The following STAB2 variants were observed in gnomAD, a reference collection of about 807,000 sequenced individuals.
STAB2 encodes stabilin 2.
In STAB2, 288 loss-of-function variants were observed where a neutral mutation model predicts 338.1. That is an observed-to-expected ratio of 0.85 (90% CI 0.77 to 0.94). STAB2 has a LOEUF of 0.94. Ranked by LOEUF, STAB2 falls within the 40% of genes least tolerant of loss-of-function variation. The pLI, the probability that STAB2 is intolerant of heterozygous loss-of-function variation, is 0.00. For synonymous variants in STAB2, 1,202 were observed against 1,193.3 expected, an observed-to-expected ratio of 1.01 and a Z score of -0.15; for missense variants, 3,141 against 3,210.1, an observed-to-expected ratio of 0.98 and a Z score of 0.52.
intron 34 of STAB2, among the ~76,000 whole-genome samples, chr12:103,699,500 G>A (rs1037148586): frequency 2.5e-4 from 38 of 152,204 alleles, no homozygotes; most frequent in African/African-American, 9.2e-4. Context: ...GACAGCTCGT[G>A]CAGGAAACTC....
intron 14 of STAB2, 47 bp downstream of exon 14, chr12:103,655,354 T>C (rs777537383): frequency 1.9e-6 from 3 of 1,605,234 alleles, no homozygotes; most frequent in Admixed American, 3.4e-5. Flanking sequence ...GTCAAGACTT[T>C]TGTAAAATTA....
chr12:103,765,425 C>CTAT (rs1884868581), intron 68 of STAB2, among the ~76,000 whole-genome samples: 1 of 152,232 alleles, frequency 6.6e-6, no homozygotes, highest in Non-Finnish European at 1.5e-5. Context: ...GCCTTTGACA[C>CTAT]TATTTTTAGT....
rs889743037 is a variant in STAB2 at position 103,717,835 on chromosome 12, C to T, written c.4677C>T (p.Cys1559=). Residue 1559 remains cysteine, a synonymous_variant, in exon 44 of 69, where the codon TGC becomes TGT. Transcript: ENST00000388887. ...DGKVCTLINV[C]LTKNGGCSEF... ...AGGTCTGCACACTCATCAATGTCTG[C>T]TTAACTGTGAGTATGGCTCTAGGGT... 5.0e-6 allele frequency: 8 copies of T among 1,614,108 alleles called. No homozygotes were observed. The highest frequency in any genetic ancestry group is 2.7e-5 in the African/African-American group (2 of 75,020).
intron 58 of STAB2, 83 bp downstream of exon 58, chr12:103,746,787 C>A: frequency 7.3e-7 from 1 of 1,378,024 alleles, no homozygotes; most frequent in Non-Finnish European, 1.0e-6. Context: ...GGGCTTCATC[C>A]TAGCCCTCCT....
chr12:103,598,086 A>G (rs1407517706), intron 3 of STAB2, among the ~76,000 whole-genome samples: 2 of 152,176 alleles, frequency 1.3e-5, no homozygotes, highest in African/African-American at 2.4e-5. Flanking sequence ...CCTTTTAGGC[A>G]TTTCCTTTTT....
intron 3 of STAB2, among the ~76,000 whole-genome samples, chr12:103,615,935 T>C (rs10861057): frequency 0.04 from 6,119 of 152,266 alleles, 180 homozygotes; most frequent in East Asian, 0.12. Flanking sequence ...ATGGGGATTA[T>C]AATTCAAGAT....
chr12:103,647,429 G>A (rs1457992844), intron 9 of STAB2, among the ~76,000 whole-genome samples: 1 of 152,146 alleles, frequency 6.6e-6, no homozygotes, highest in Non-Finnish European at 1.5e-5. Context: ...TGTAGTCACA[G>A]CACATCTTTT....
rs1565954676 is a variant in STAB2, at chr12:103,603,839, G to A, written c.331+9329G>A. Among the ~76,000 whole-genome samples, 3 of 152,250 alleles carry A rather than the reference G, an allele frequency of 2.0e-5. No homozygotes were observed. The East Asian group carries it at 5.8e-4, about 29-fold the overall frequency. ...ACATCTAAAAATATTGCTTCCTCCT[G>A]TGCATAACGACCCCGTAGCTCTCCA... On this transcript the variant is annotated intron_variant, in intron 3 of 68. Transcript: ENST00000388887.
chr12:103,660,580 T>G (rs927624636), intron 16 of STAB2, 103 bp from the exon 17 acceptor site: 19 of 1,384,884 alleles, frequency 1.4e-5, no homozygotes, highest in Non-Finnish European at 1.9e-5. Context: ...CTCCCTTTAC[T>G]TATTTCACTT....
chr12:103,736,161 T>C (rs1029926439), intron 52 of STAB2, among the ~76,000 whole-genome samples: 1 of 152,234 alleles, frequency 6.6e-6, no homozygotes, highest in African/African-American at 2.4e-5. Context: ...TAAGGATTTA[T>C]TCTCTTTCAT....
In STAB2 at chr12:103,715,895, G is replaced by C; in HGVS notation, c.4611+7G>C. ...ACAGACAGGACCCAACCAGGTGAGT[G>C]CCACCTCTCCCAGGCCCTTAGGTTT... On this transcript the variant is annotated splice_region_variant and intron_variant, in intron 43 of 68. Coordinates refer to ENST00000388887, the MANE Select transcript of STAB2 (RefSeq NM_017564.10). The C allele has an allele frequency of 1.9e-6, 3 of 1,613,870 alleles. No homozygotes were observed. Among genetic ancestry groups the C allele is most frequent in the Non-Finnish European group, 2.5e-6 (3 of 1,179,842 alleles).
intron 6 of STAB2, among the ~76,000 whole-genome samples, chr12:103,633,587 C>T (rs551413257): frequency 1.3e-5 from 2 of 152,258 alleles, no homozygotes; most frequent in Non-Finnish European, 2.9e-5. Flanking sequence ...GAGGCTGACC[C>T]GGGAGAATCG....
chr12:103,628,664 G>A (rs923043999), intron 5 of STAB2, among the ~76,000 whole-genome samples: 4 of 152,114 alleles, frequency 2.6e-5, no homozygotes, highest in African/African-American at 4.8e-5. Flanking sequence ...CTCTTCACAT[G>A]CCTCTTCACC....
At chr12:103,637,717 A>G (rs918082612) in intron 7 of STAB2, among the ~76,000 whole-genome samples, 1 of 152,224 alleles carries the variant, frequency 6.6e-6, no homozygotes, top group African/African-American at 2.4e-5. Flanking sequence ...ATACATAGCA[A>G]ATTCTTAGAG....
Position 103,749,204 on chromosome 12 carries a change from C to T in STAB2, c.6438+48C>T, listed in dbSNP as rs780670642. The T allele has an allele frequency of 1.0e-5, 16 of 1,539,694 alleles. No individual in the cohort carries two copies. The South Asian group carries it at 1.4e-4, about 13-fold the overall frequency. Reference sequence around the variant, plus strand: ...AATTTGGGAGCAGCGCCGTGGGCTTCGCTCCTCCTTGCCTTTCCACCTCCC... The same window carrying T: ...AATTTGGGAGCAGCGCCGTGGGCTTTGCTCCTCCTTGCCTTTCCACCTCCC... On this transcript the variant is annotated intron_variant, in intron 59 of 68. Coordinates refer to ENST00000388887, the MANE Select transcript of STAB2 (RefSeq NM_017564.10).
rs773259698 is a variant in STAB2 at position 103,704,600 on chromosome 12, G to A, written c.3886G>A (p.Gly1296Arg). ...CTCCTCAGAGCTGACCTGCCCATTC[G>A]GAACTAAATCTCTAGTAAGTACTTT... ...TCSSELTCPF[G>R]TKSLGNEKRR... The change falls in exon 36 of 69, where the codon GGA (glycine) becomes AGA (arginine). Residue 1296 changes from glycine (G) to arginine (R), a missense_variant. Gly to Arg is a moderately radical substitution (Grantham distance 125). Coordinates refer to ENST00000388887, the MANE Select transcript of STAB2 (RefSeq NM_017564.10). The A allele has an allele frequency of 3.7e-6, 6 of 1,613,590 alleles. No individual in the cohort carries two copies. The highest frequency in any genetic ancestry group is 1.7e-5 in the Admixed American group (1 of 59,928).
At chr12:103,668,820 C>A in intron 20 of STAB2, 91 bp downstream of exon 20, 1 of 1,190,526 alleles carries the variant, frequency 8.4e-7, no homozygotes, top group Non-Finnish European at 1.1e-6. Flanking sequence ...CACGTGGTCA[C>A]AGGTGGCCCG....
At chr12:103,724,017 C>A (rs1880985550) in intron 44 of STAB2, among the ~76,000 whole-genome samples, 1 of 152,040 alleles carries the variant, frequency 6.6e-6, no homozygotes, top group African/African-American at 2.4e-5. Flanking sequence ...GTGGTAGAGG[C>A]CGTTGACAAG....
chr12:103,761,491 C>T (rs1884536477), intron 66 of STAB2, 81 bp downstream of exon 66: 28 of 1,249,902 alleles, frequency 2.2e-5, no homozygotes, highest in Non-Finnish European at 2.9e-5. Flanking sequence ...TACCAGAAGC[C>T]CTGTCCTCCT....
Sources: allele counts gnomAD v4.1 joint callset (sites outside exome capture counted in the v4.1 genomes callset), GRCh38; gene constraint gnomAD v4.1.1; transcripts MANE v1.5; gene names NCBI Gene and HGNC (gene_info 2026-07-23, HGNC 2026-07-21).